Variants in APELA observed in about 807,000 individuals in gnomAD.
APELA encodes the protein apelin receptor early endogenous ligand, also known as protein Elabela.
intron 2 of APELA, among the ~76,000 whole-genome samples, chr4:164,883,484 C>T (rs554213488): frequency 1.5e-5 from 2 of 129,382 alleles, no homozygotes; most frequent in African/African-American, 6.5e-5. Flanking sequence ...TCTAGTCTTT[C>T]TTTTTCTTTT....
intron 2 of APELA, among the ~76,000 whole-genome samples, chr4:164,888,454 A>T (rs572910642): frequency 3.3e-5 from 5 of 152,334 alleles, no homozygotes; most frequent in Admixed American, 2.6e-4. Context: ...TTCTTCAGTT[A>T]GTCCTAAGCT....
In APELA at chr4:164,897,334, A is replaced by G. The variant is rs1372814224; in HGVS notation, c.*1920A>G. 6.6e-6 allele frequency: 1 copy of G among 152,218 alleles called. No individual in the cohort carries two copies. Among genetic ancestry groups the G allele is most frequent in the African/African-American group, 2.4e-5 (1 of 41,454 alleles). The allele number at this position is 152,218 out of a possible 1,614,324, so 9.4% of individuals were successfully genotyped here. ...AGTTATATTTATGTTTAAAACATGT[A>G]CTGGTTTGTATATTTTGTACTGAAA... On this transcript the variant is annotated 3_prime_UTR_variant, in exon 3 of 3. Transcript: ENST00000507152.
At position 164,885,161 on chromosome 4, in the gene APELA, T is replaced by A. The variant is rs1730744908; in HGVS notation, c.*1+6152T>A. Among the ~76,000 whole-genome samples the A allele has an allele frequency of 3.3e-5, 5 of 152,070 alleles. No individual in the cohort carries two copies. In the South Asian group the frequency reaches 1.0e-3, roughly 32 times the overall value. On this transcript the variant is annotated intron_variant, in intron 2 of 2. Coordinates refer to ENST00000507152, the MANE Select transcript of APELA (RefSeq NM_001297550.2). ...TTGTTTTGTTTTTGAGACAGAGTCT[T>A]GCTCTGTCGCCCAGGCTGGAGTGCA... is the stretch of plus-strand genomic sequence containing the variant.
downstream of APELA, among the ~76,000 whole-genome samples, chr4:164,898,216 T>C (rs1460062347): frequency 6.6e-6 from 1 of 151,296 alleles, no homozygotes; most frequent in Non-Finnish European, 1.5e-5. Flanking sequence ...TAAAAGTTCT[T>C]TGTGGCCGGG....
At chr4:164,894,391 TTTTTC>T (rs1730933743) in intron 2 of APELA, among the ~76,000 whole-genome samples, 1 of 151,542 alleles carries the variant, frequency 6.6e-6, no homozygotes, top group Non-Finnish European at 1.5e-5. Context: ...ACATATATAT[TTTTTC>T]TTTTCTTTTC....
chr4:164,886,108 G>A (rs908604560), intron 2 of APELA, among the ~76,000 whole-genome samples: 3 of 151,842 alleles, frequency 2.0e-5, no homozygotes, highest in African/African-American at 7.3e-5. Flanking sequence ...ATTTTTATCA[G>A]TATTGAAATA....
intron 2 of APELA, among the ~76,000 whole-genome samples, chr4:164,894,478 T>C (rs1730936560): frequency 6.6e-6 from 1 of 151,978 alleles, no homozygotes; most frequent in African/African-American, 2.4e-5. Context: ...GTGCAGTGGC[T>C]TGATCTGGGG....
chr4:164,878,022 AGAT>A (rs1730586522), intron 1 of APELA, among the ~76,000 whole-genome samples: 1 of 152,132 alleles, frequency 6.6e-6, no homozygotes, highest in Non-Finnish European at 1.5e-5. Flanking sequence ...ATGTTTTCAA[AGAT>A]GATATCAAGT....
At chr4:164,886,564 T>A (rs1305886018) in intron 2 of APELA, among the ~76,000 whole-genome samples, 2 of 152,108 alleles carry the variant, frequency 1.3e-5, no homozygotes, top group Non-Finnish European at 2.9e-5. Flanking sequence ...GGAGGATTGC[T>A]TGAGCCGAGG....
chr4:164,885,665 C>A (rs931367314), intron 2 of APELA, among the ~76,000 whole-genome samples: 6 of 151,760 alleles, frequency 4.0e-5, no homozygotes, highest in Non-Finnish European at 8.8e-5. Flanking sequence ...CACTTGAACC[C>A]AGGAGGCGGA....
intron 2 of APELA, among the ~76,000 whole-genome samples, chr4:164,894,508 C>T (rs1461154753): frequency 6.6e-6 from 1 of 151,860 alleles, no homozygotes; most frequent in Non-Finnish European, 1.5e-5. Context: ...CCTCTTTCTT[C>T]CAGGTTCAAG....
chr4:164,894,045 G>A (rs1038020444), intron 2 of APELA, among the ~76,000 whole-genome samples: 12 of 151,844 alleles, frequency 7.9e-5, no homozygotes, highest in East Asian at 3.9e-4. Context: ...TTTTTTGGCC[G>A]GGCGTGGTGG....
chr4:164,882,937 G>C (rs1730689727), intron 2 of APELA, among the ~76,000 whole-genome samples: 1 of 152,114 alleles, frequency 6.6e-6, no homozygotes, highest in Non-Finnish European at 1.5e-5. Flanking sequence ...ATTTTTTATG[G>C]CTGCATGGTA....
chr4:164,898,504 A>C (rs1731018755), downstream of APELA, among the ~76,000 whole-genome samples: 1 of 82,588 alleles, frequency 1.2e-5, no homozygotes, highest in East Asian at 2.7e-4. Context: ...CTCTGCCTCA[A>C]AAAAAAAAAA....
chr4:164,888,214 A>G (rs751130002), intron 2 of APELA, among the ~76,000 whole-genome samples: 15 of 152,222 alleles, frequency 9.9e-5, no homozygotes, highest in Non-Finnish European at 1.8e-4. Context: ...ATAACCACTC[A>G]AATGAATCAA....
intron 2 of APELA, among the ~76,000 whole-genome samples, chr4:164,890,282 G>GGT (rs1210213004): frequency 6.6e-6 from 1 of 152,158 alleles, no homozygotes; most frequent in East Asian, 1.9e-4. Flanking sequence ...ACCCATTTAA[G>GGT]GTGTACAATT....
chr4:164,894,181 C>G (rs1448427875), intron 2 of APELA, among the ~76,000 whole-genome samples: 2 of 151,950 alleles, frequency 1.3e-5, no homozygotes, highest in Non-Finnish European at 2.9e-5. Flanking sequence ...AAAAATTAGC[C>G]AGGTGTCGTG....
rs1456670732 is a variant in APELA, at chr4:164,896,424, T to G, written c.*1010T>G. On this transcript the variant is annotated 3_prime_UTR_variant, in exon 3 of 3. Transcript: ENST00000507152. ...TTGTTATGTCCTTTATTATTTTGTA[T>G]GGATAATTTCTTTAAAAGTCTTACT... 1 of 152,234 alleles carries G rather than the reference T, an allele frequency of 6.6e-6. No individual in the cohort carries two copies. The highest frequency in any genetic ancestry group is 2.4e-5 in the African/African-American group (1 of 41,458). The allele number at this position is 152,234 out of a possible 1,614,324, so 9.4% of individuals were successfully genotyped here.
chr4:164,881,392 C>G (rs1730650280), intron 2 of APELA, among the ~76,000 whole-genome samples: 1 of 152,078 alleles, frequency 6.6e-6, no homozygotes, highest in African/African-American at 2.4e-5. Context: ...GTGTTCAGAC[C>G]TTTAGCTCTT....
Sources: allele counts gnomAD v4.1 joint callset (sites outside exome capture counted in the v4.1 genomes callset), GRCh38; gene constraint gnomAD v4.1.1; transcripts MANE v1.5; gene names NCBI Gene and HGNC (gene_info 2026-07-23, HGNC 2026-07-21).